SPHKAP: variants seen among roughly 807,000 people sequenced by gnomAD.
SPHKAP encodes SPHK1 interactor, AKAP domain containing.
In SPHKAP, 67 loss-of-function variants were observed where a neutral mutation model predicts 137.5. The ratio of observed to expected loss-of-function variants is 0.49; its 90% CI spans 0.40 to 0.60. The LOEUF is 0.60. Ranked by LOEUF, SPHKAP falls within the 20% of genes least tolerant of loss-of-function variation. SPHKAP has a pLI of 0.00. For synonymous variants in SPHKAP, 813 were observed against 785.3 expected, an observed-to-expected ratio of 1.04 and a Z score of -0.59; for missense variants, 2,097 against 2,069.3, an observed-to-expected ratio of 1.01 and a Z score of -0.26.
At chr2:228,035,269 C>A (rs1242174922) in intron 3 of SPHKAP, among the ~76,000 whole-genome samples, 1 of 150,196 alleles carries the variant, frequency 6.7e-6, no homozygotes, top group African/African-American at 2.5e-5. Context: ...CATGAGTGAA[C>A]TCCCATTCAC....
intron 1 of SPHKAP, among the ~76,000 whole-genome samples, chr2:228,139,602 C>A (rs1180761883): frequency 6.6e-6 from 1 of 152,160 alleles, no homozygotes; most frequent in African/African-American, 2.4e-5. Flanking sequence ...AGCTGTTTCA[C>A]AATCTCAGGC....
chr2:227,987,345 G>T (rs1693250016), intron 11 of SPHKAP, among the ~76,000 whole-genome samples: 1 of 152,102 alleles, frequency 6.6e-6, no homozygotes, highest in Non-Finnish European at 1.5e-5. Flanking sequence ...CGTATCTCAA[G>T]GTTGCTATTT....
chr2:228,046,867 G>A (rs1464925715), intron 3 of SPHKAP, among the ~76,000 whole-genome samples: 1 of 152,154 alleles, frequency 6.6e-6, no homozygotes, highest in South Asian at 2.1e-4. Flanking sequence ...ATCTGGGCAA[G>A]GGCAGCTGAG....
chr2:228,037,637 A>G lies in SPHKAP; in HGVS notation c.247-10094T>C, dbSNP rs76832462. ...TCAATTTCCCTTAAGCCAGAGCCCAATAACACCTGTGGTCACTCCAATGAC... is the reference window on the plus strand; with the variant it reads ...TCAATTTCCCTTAAGCCAGAGCCCAGTAACACCTGTGGTCACTCCAATGAC... On this transcript the variant is annotated intron_variant, in intron 3 of 11. Coordinates refer to ENST00000392056, the MANE Select transcript of SPHKAP (RefSeq NM_001142644.2). Among the ~76,000 whole-genome samples, 183 of 147,766 alleles carry G rather than the reference A, an allele frequency of 1.2e-3. 5 individuals are homozygous for G. The East Asian group carries it at 0.034, about 27-fold the overall frequency.
chr2:228,076,657 C>A (rs1334670611), intron 3 of SPHKAP, among the ~76,000 whole-genome samples: 1 of 152,118 alleles, frequency 6.6e-6, no homozygotes, highest in African/African-American at 2.4e-5. Flanking sequence ...AGCAGCAAAG[C>A]ATTGAAGAGG....
chr2:228,059,155 T>C, intron 3 of SPHKAP, among the ~76,000 whole-genome samples: 1 of 152,262 alleles, frequency 6.6e-6, no homozygotes, highest in East Asian at 1.9e-4. Flanking sequence ...GATATTCTAC[T>C]GTCTGGATGC....
intron 1 of SPHKAP, among the ~76,000 whole-genome samples, chr2:228,152,377 C>T (rs1343851145): frequency 1.3e-5 from 2 of 152,200 alleles, no homozygotes; most frequent in South Asian, 2.1e-4. Context: ...TAGGTCTTTA[C>T]CATTATACTT....
intron 3 of SPHKAP, among the ~76,000 whole-genome samples, chr2:228,087,650 T>A (rs1293544766): frequency 6.6e-6 from 1 of 152,160 alleles, no homozygotes; most frequent in African/African-American, 2.4e-5. Context: ...TTGAAAAGTA[T>A]AATAAAATGA....
chr2:228,069,796 G>T (rs994620885), intron 3 of SPHKAP, among the ~76,000 whole-genome samples: 1 of 152,116 alleles, frequency 6.6e-6, no homozygotes. Flanking sequence ...ATTATAAATG[G>T]CTGGATCAAA....
chr2:228,062,200 T>C (rs1696668716), intron 3 of SPHKAP, among the ~76,000 whole-genome samples: 1 of 151,574 alleles, frequency 6.6e-6, no homozygotes, highest in South Asian at 2.1e-4. Flanking sequence ...TCTTGTCTCA[T>C]TGCAACCTCT....
rs557765684 is a variant in SPHKAP at position 228,075,860 on chromosome 2, A to G, written c.246+32972T>C. Among the ~76,000 whole-genome samples the G allele has an allele frequency of 2.0e-5, 3 of 152,358 alleles. No homozygotes were observed. The South Asian group carries it at 6.2e-4, about 32-fold the overall frequency. The stretch of plus-strand genomic sequence containing the variant: ...ATTGTTATGAAAAGGTTGTTTTGAT[A>G]AAAATTTCAAAACAAATCATACACT... On this transcript the variant is annotated intron_variant, in intron 3 of 11. Coordinates refer to ENST00000392056, the MANE Select transcript of SPHKAP (RefSeq NM_001142644.2).
intron 3 of SPHKAP, among the ~76,000 whole-genome samples, chr2:228,072,754 CA>C (rs57232078): frequency 0.019 from 2,820 of 152,302 alleles, 85 homozygotes; most frequent in African/African-American, 0.062. Context: ...GAAGAGGCCA[CA>C]AAGAGACAGA....
rs554722913 is a variant in SPHKAP, at chr2:227,996,159, A to C, written c.4449-465T>G. The stretch of plus-strand genomic sequence containing the variant: ...TACCCCGTTTCTGGTGCTTTTTACC[A>C]AGTCATTTTGCACTGACTTGGTAAA... On this transcript the variant is annotated intron_variant, in intron 7 of 11. Transcript: ENST00000392056. The C allele has an allele frequency of 5.1e-6, 5 of 984,566 alleles. No individual in the cohort carries two copies. The East Asian group carries it at 5.7e-4, about 112-fold the overall frequency. The allele number at this position is 984,566 out of a possible 1,614,324, so 61.0% of individuals were successfully genotyped here.
At chr2:228,062,014 T>C (rs1441523687) in intron 3 of SPHKAP, among the ~76,000 whole-genome samples, 2 of 152,080 alleles carry the variant, frequency 1.3e-5, no homozygotes, top group Non-Finnish European at 2.9e-5. Context: ...GAATAGGTTA[T>C]GCTTTAAGCA....
intron 1 of SPHKAP, among the ~76,000 whole-genome samples, chr2:228,147,974 T>C (rs2106395115): frequency 6.6e-6 from 1 of 152,296 alleles, no homozygotes; most frequent in South Asian, 2.1e-4. Context: ...ATCAAGAGGC[T>C]TAATTTGGAA....
chr2:228,003,993 G>A (rs1215582298), intron 7 of SPHKAP, among the ~76,000 whole-genome samples: 1 of 152,168 alleles, frequency 6.6e-6, no homozygotes, highest in Admixed American at 6.5e-5. Flanking sequence ...TTGCATCGAT[G>A]TTCATCAGGG....
At chr2:228,170,826 T>G (rs1320943743) in intron 1 of SPHKAP, among the ~76,000 whole-genome samples, 2 of 152,122 alleles carry the variant, frequency 1.3e-5, no homozygotes, top group African/African-American at 4.8e-5. Flanking sequence ...CTGGGGTATA[T>G]CTCCTTTCCA....
chr2:228,017,214 GTCTGGAGGAGGCACTTTC>G lies in SPHKAP; in HGVS notation c.3622_3639del (p.Glu1208_Arg1213del), dbSNP rs1335091255. 2 of 1,613,834 alleles carry G rather than the reference GTCTGGAGGAGGCACTTTC, an allele frequency of 1.2e-6. No individual in the cohort carries two copies. The highest frequency in any genetic ancestry group is 1.3e-5 in the African/African-American group (1 of 74,898). ...CCGGCTGTCCAATCCTGGCTGCTCC[GTCTGGAGGAGGCACTTTC>G]TCTGCTGTCTCTTTCGATGTCCCTC... On this transcript the variant is annotated inframe_deletion, in exon 7 of 12. Transcript: ENST00000392056.
intron 3 of SPHKAP, among the ~76,000 whole-genome samples, chr2:228,029,189 T>G (rs1245367985): frequency 1.3e-5 from 2 of 152,144 alleles, no homozygotes; most frequent in Non-Finnish European, 2.9e-5. Flanking sequence ...CATCCAAAGG[T>G]TTTTATTTCT....
Sources: gnomAD v4.1 joint callset for allele counts (sites outside exome capture counted in the v4.1 genomes callset) on GRCh38, gnomAD v4.1.1 for gene constraint, MANE v1.5 for transcripts, NCBI Gene and HGNC (gene_info 2026-07-23, HGNC 2026-07-21) for gene names.